The following C20orf203 variants were observed in gnomAD, a reference collection of about 807,000 sequenced individuals.
C20orf203 encodes the protein uncharacterized protein C20orf203.
Under a neutral mutation model 15.9 loss-of-function variants are expected in C20orf203, and 16 were observed. The observed-to-expected ratio is 1.01, with a 90% CI of 0.68 to 1.53. The LOEUF is 1.53. Ranked by LOEUF, C20orf203 falls within the 40% of genes most tolerant of loss-of-function variation. The pLI is 0.00. For synonymous variants in C20orf203, 98 were observed against 97.2 expected, an observed-to-expected ratio of 1.01 and a Z score of -0.05; for missense variants, 263 against 247.5, an observed-to-expected ratio of 1.06 and a Z score of -0.42.
At chr20:32,646,074 C>G (rs1255267126) in intron 4 of C20orf203, among the ~76,000 whole-genome samples, 1 of 151,938 alleles carries the variant, frequency 6.6e-6, no homozygotes, top group Non-Finnish European at 1.5e-5. Flanking sequence ...GTCACTTAAC[C>G]TGTCTGTGTC....
Position 32,634,013 on chromosome 20 carries a change from A to G in C20orf203, c.*1557T>C, listed in dbSNP as rs529148275. The stretch of plus-strand genomic sequence containing the variant: ...GTCCAACTCTTCACTCCTTTCCTCA[A>G]CAAACATTGACTGAAATTGAAATGA... On this transcript the variant is annotated 3_prime_UTR_variant, in exon 6 of 6. Coordinates refer to ENST00000608990, the MANE Select transcript of C20orf203 (RefSeq NM_182584.4). 1 of 398,528 alleles carries G rather than the reference A, an allele frequency of 2.5e-6. No individual in the cohort carries two copies. The highest frequency in any genetic ancestry group is 1.3e-4 in the South Asian group (1 of 7,856). The allele number at this position is 398,528 out of a possible 1,614,324, so 24.7% of individuals were successfully genotyped here.
At chr20:32,653,055 G>GGGCACCC (rs1294226616) in intron 1 of C20orf203, among the ~76,000 whole-genome samples, 6 of 152,202 alleles carry the variant, frequency 3.9e-5, no homozygotes, top group Non-Finnish European at 5.9e-5. Context: ...AGCCTCCCCA[G>GGGCACCC]GGCACCCTGC....
intron 4 of C20orf203, among the ~76,000 whole-genome samples, chr20:32,646,763 G>A (rs1982444170): frequency 6.6e-6 from 1 of 152,246 alleles, no homozygotes; most frequent in African/African-American, 2.4e-5. Context: ...TGTTACCACA[G>A]CTGATTACAT....
intron 1 of C20orf203, among the ~76,000 whole-genome samples, chr20:32,663,452 A>G (rs566513780): frequency 6.6e-6 from 1 of 152,190 alleles, no homozygotes; most frequent in Admixed American, 6.5e-5. Flanking sequence ...CCAGCTACAG[A>G]GTATGATTAC....
intron 1 of C20orf203, among the ~76,000 whole-genome samples, chr20:32,671,117 T>C (rs1218553206): frequency 3.3e-5 from 5 of 151,982 alleles, no homozygotes; most frequent in Non-Finnish European, 7.4e-5. Flanking sequence ...CAGAAAACAG[T>C]ATGGAGGTTT....
rs535183688 is a variant in C20orf203 at position 32,673,758 on chromosome 20, T to A, written c.-390A>T. 1.6e-4 allele frequency: 24 copies of A among 152,366 alleles called. No homozygotes were observed. The highest frequency in any genetic ancestry group is 5.8e-4 in the African/African-American group (24 of 41,574). The allele number at this position is 152,366 out of a possible 1,614,324, so 9.4% of individuals were successfully genotyped here. On this transcript the variant is annotated 5_prime_UTR_variant, in exon 1 of 6. Transcript: ENST00000608990. ...AAAACATATCTGCCTTTGCTCACTG[T>A]GATGTCTCCGACGCAAAGCAGAGAG...
At chr20:32,659,032 C>A (rs555825938) in intron 1 of C20orf203, among the ~76,000 whole-genome samples, 1 of 152,012 alleles carries the variant, frequency 6.6e-6, no homozygotes, top group Non-Finnish European at 1.5e-5. Flanking sequence ...TGCACCACCA[C>A]GCCTGGCTAA....
chr20:32,668,513 C>A (rs977203617), intron 1 of C20orf203, among the ~76,000 whole-genome samples: 6 of 151,872 alleles, frequency 4.0e-5, no homozygotes, highest in Non-Finnish European at 8.8e-5. Flanking sequence ...GCAGTCCCAG[C>A]TACTCGGGAG....
chr20:32,655,379 T>C (rs1304369889), intron 1 of C20orf203, among the ~76,000 whole-genome samples: 1 of 151,698 alleles, frequency 6.6e-6, no homozygotes, highest in African/African-American at 2.4e-5. Flanking sequence ...ATCAAAAAAG[T>C]GAAAAGACAA....
At chr20:32,661,054 T>C (rs2145678896) in intron 1 of C20orf203, among the ~76,000 whole-genome samples, 1 of 151,968 alleles carries the variant, frequency 6.6e-6, no homozygotes, top group South Asian at 2.1e-4. Context: ...AGCCAAACCA[T>C]ATCAAGGAGG....
In C20orf203 at chr20:32,632,790, G is replaced by C. The variant is rs1449432192; in HGVS notation, c.*2780C>G. ...GGAGGCAGGTGGTCCCTGTGTTAGAGATGAGGAAACCAGGGTGACGGGATT... is the reference window on the plus strand; with the variant it reads ...GGAGGCAGGTGGTCCCTGTGTTAGACATGAGGAAACCAGGGTGACGGGATT... On this transcript the variant is annotated 3_prime_UTR_variant, in exon 6 of 6. Coordinates refer to ENST00000608990, the MANE Select transcript of C20orf203 (RefSeq NM_182584.4). The C allele has an allele frequency of 6.6e-6, 1 of 152,210 alleles. No homozygotes were observed. Among genetic ancestry groups the C allele is most frequent in the Non-Finnish European group, 1.5e-5 (1 of 68,056 alleles). 9.4% of individuals were successfully genotyped at this position (152,210 alleles called of 1,614,324 possible).
At chr20:32,636,896 G>C (rs1982152248) in intron 5 of C20orf203, among the ~76,000 whole-genome samples, 1 of 152,170 alleles carries the variant, frequency 6.6e-6, no homozygotes, top group Non-Finnish European at 1.5e-5. Flanking sequence ...CCTCAGGCCT[G>C]GGCAAACCAA....
chr20:32,635,368 A>T (rs1429017480), intron 5 of C20orf203, among the ~76,000 whole-genome samples: 2 of 147,514 alleles, frequency 1.4e-5, no homozygotes, highest in Admixed American at 6.7e-5. Context: ...GCATGGTGGC[A>T]CATGCCTGTA....
intron 1 of C20orf203, among the ~76,000 whole-genome samples, chr20:32,661,642 C>T (rs1227109061): frequency 6.6e-6 from 1 of 151,140 alleles, no homozygotes; most frequent in Non-Finnish European, 1.5e-5. Flanking sequence ...GAGCAGGGGA[C>T]CCTGATTAGT....
chr20:32,670,279 CG>C (rs1388592928), intron 1 of C20orf203, among the ~76,000 whole-genome samples: 1 of 151,722 alleles, frequency 6.6e-6, no homozygotes, highest in African/African-American at 2.4e-5. Context: ...CTGAGGCGGG[CG>C]GATCACCTGA....
intron 4 of C20orf203, among the ~76,000 whole-genome samples, chr20:32,645,682 G>A (rs899147151): frequency 2.6e-5 from 4 of 152,188 alleles, no homozygotes; most frequent in African/African-American, 9.7e-5. Flanking sequence ...AGCCCTCCGA[G>A]CTTTTCCACC....
chr20:32,632,249 A>G lies in C20orf203; in HGVS notation c.*3321T>C, dbSNP rs1185588536. On this transcript the variant is annotated 3_prime_UTR_variant, in exon 6 of 6. Coordinates refer to ENST00000608990, the MANE Select transcript of C20orf203 (RefSeq NM_182584.4). The stretch of plus-strand genomic sequence containing the variant: ...AAGGTCAGGAGTGGGAGAGGGGAGA[A>G]GGCCTTTCATGGAGCACTCCTTAGA... 6.6e-6 allele frequency: 1 copy of G among 152,248 alleles called. No homozygotes were observed. The highest frequency in any genetic ancestry group is 2.4e-5 in the African/African-American group (1 of 41,460). The allele number at this position is 152,248 out of a possible 1,614,324, so 9.4% of individuals were successfully genotyped here. A position where few individuals can be genotyped will look rare whatever the true frequency, so the allele number is the denominator to read the frequency against.
rs1268985918 is a variant in C20orf203, at chr20:32,631,736, A to G, written c.*3834T>C. The G allele has an allele frequency of 6.6e-6, 1 of 152,220 alleles. No individual in the cohort carries two copies. The allele number at this position is 152,220 out of a possible 1,614,324, so 9.4% of individuals were successfully genotyped here. On this transcript the variant is annotated 3_prime_UTR_variant, in exon 6 of 6. Transcript: ENST00000608990. ...CTGATGCTAAAAATTAAAGAAGAAA[A>G]GCAGCTGGCCACATGGCTGGGAGCC... is the stretch of plus-strand genomic sequence containing the variant.
Position 32,633,337 on chromosome 20 carries a change from A to C in C20orf203, c.*2233T>G, listed in dbSNP as rs1982050813. 6.6e-6 allele frequency: 1 copy of C among 152,166 alleles called. No homozygotes were observed. Among genetic ancestry groups the C allele is most frequent in the African/African-American group, 2.4e-5 (1 of 41,432 alleles). 9.4% of individuals were successfully genotyped at this position (152,166 alleles called of 1,614,324 possible). On this transcript the variant is annotated 3_prime_UTR_variant, in exon 6 of 6. Coordinates refer to ENST00000608990, the MANE Select transcript of C20orf203 (RefSeq NM_182584.4). ...TGGGATGGCCACTGAAGTCCACCTG[A>C]TGGTGATGATACTCTAGGAGGACAA...
Sources: gnomAD v4.1 joint callset for allele counts (sites outside exome capture counted in the v4.1 genomes callset) on GRCh38, gnomAD v4.1.1 for gene constraint, MANE v1.5 for transcripts, NCBI Gene and HGNC (gene_info 2026-07-23, HGNC 2026-07-21) for gene names.